DGKB: variants seen among roughly 807,000 people sequenced by gnomAD.
DGKB encodes 90 kDa diacylglycerol kinase.
A neutral mutation model predicts 114.3 loss-of-function variants in DGKB; 67 were observed. The observed-to-expected ratio is 0.59, with a 90% CI of 0.48 to 0.72. DGKB has a LOEUF of 0.72. Among genes scored for constraint, DGKB ranks in the 30% least tolerant of loss-of-function variants. The probability of loss-of-function intolerance (pLI) is 0.00; values close to 1 mark genes in which losing one functional copy is unlikely to be tolerated. For synonymous variants in DGKB, 398 were observed against 323.1 expected (o/e 1.23, Z -2.49); for missense variants, 907 against 975.2 (o/e 0.93, Z 0.93).
At chr7:14,153,639 T>C (rs935289713) in intron 25 of DGKB, among the ~76,000 whole-genome samples, 12 of 152,070 alleles carry the variant, frequency 7.9e-5, no homozygotes, top group Non-Finnish European at 1.6e-4. Context: ...TAGAGAGCAT[T>C]CCCTCTCTTT....
At chr7:14,831,127 G>A (rs538914739) in intron 2 of DGKB, among the ~76,000 whole-genome samples, 2 of 151,882 alleles carry the variant, frequency 1.3e-5, no homozygotes, top group East Asian at 1.9e-4. Flanking sequence ...CAAATAAGAT[G>A]TATCTGAGAA....
intron 23 of DGKB, among the ~76,000 whole-genome samples, chr7:14,295,577 A>AATAG (rs1171009009): frequency 6.6e-6 from 1 of 151,588 alleles, no homozygotes; most frequent in African/African-American, 2.4e-5. Context: ...TTTTTTTTTT[A>AATAG]ATAGATAGGT....
At chr7:14,562,000 T>C (rs1796726742) in intron 20 of DGKB, among the ~76,000 whole-genome samples, 1 of 152,194 alleles carries the variant, frequency 6.6e-6, no homozygotes, top group Non-Finnish European at 1.5e-5. Context: ...AATGGTTTTA[T>C]GGGCTGGGCC....
At chr7:14,896,718 T>C (rs1432600812) in intron 1 of DGKB, among the ~76,000 whole-genome samples, 1 of 151,820 alleles carries the variant, frequency 6.6e-6, no homozygotes. Flanking sequence ...GTCTAAAGCA[T>C]AGAATTTAAG....
chr7:14,568,092 T>C (rs1797866377), intron 20 of DGKB, among the ~76,000 whole-genome samples: 1 of 152,186 alleles, frequency 6.6e-6, no homozygotes, highest in Non-Finnish European at 1.5e-5. Flanking sequence ...CTAATGTCCA[T>C]CTGTCTAGCA....
chr7:14,774,306 T>C (rs933792570), intron 2 of DGKB, among the ~76,000 whole-genome samples: 12 of 152,228 alleles, frequency 7.9e-5, no homozygotes, highest in Non-Finnish European at 1.8e-4. Flanking sequence ...GATTGTTACC[T>C]TGCAAGAACT....
chr7:14,262,513 C>G (rs1584797587), intron 23 of DGKB, among the ~76,000 whole-genome samples: 1 of 152,102 alleles, frequency 6.6e-6, no homozygotes, highest in African/African-American at 2.4e-5. Flanking sequence ...CTCAGACTTT[C>G]CAGCCTCCAG....
intron 20 of DGKB, among the ~76,000 whole-genome samples, chr7:14,538,837 G>C (rs181441932): frequency 6.6e-6 from 1 of 152,220 alleles, no homozygotes; most frequent in East Asian, 1.9e-4. Context: ...TGACAACACG[G>C]ATGGACCTGG....
intron 1 of DGKB, among the ~76,000 whole-genome samples, chr7:14,943,120 A>G (rs1347318000): frequency 6.6e-6 from 1 of 151,942 alleles, no homozygotes; most frequent in Admixed American, 6.6e-5. Context: ...TATATTCTAT[A>G]TGGAAAAATG....
intron 21 of DGKB, among the ~76,000 whole-genome samples, chr7:14,471,912 T>C (rs1384765857): frequency 1.3e-5 from 2 of 152,126 alleles, no homozygotes; most frequent in South Asian, 2.1e-4. Context: ...CAGAAAGTAG[T>C]ACAGAAATAA....
intron 23 of DGKB, among the ~76,000 whole-genome samples, chr7:14,242,825 G>A (rs535448997): frequency 3.3e-5 from 5 of 150,342 alleles, no homozygotes; most frequent in Admixed American, 6.6e-5. Flanking sequence ...AGTGTCGGCA[G>A]CAGTTAATGT....
intron 6 of DGKB, among the ~76,000 whole-genome samples, chr7:14,716,712 T>C (rs1354393552): frequency 6.6e-6 from 1 of 152,054 alleles, no homozygotes; most frequent in African/African-American, 2.4e-5. Context: ...AGATTGATTG[T>C]TATTTAATTG....
At chr7:14,493,925 T>TACAC (rs372780599) in intron 20 of DGKB, among the ~76,000 whole-genome samples, 3,013 of 137,686 alleles carry the variant, frequency 0.022, 68 homozygotes, top group African/African-American at 0.064. Context: ...CATGGTATCA[T>TACAC]ACACACACAC....
chr7:14,722,521 T>C (rs986792715), intron 5 of DGKB, among the ~76,000 whole-genome samples: 15 of 152,060 alleles, frequency 9.9e-5, no homozygotes, highest in Admixed American at 2.6e-4. Context: ...GTTTAATTAA[T>C]AAAAAAGCTT....
chr7:14,315,701 A>G (rs1806343634), intron 23 of DGKB, among the ~76,000 whole-genome samples: 1 of 150,044 alleles, frequency 6.7e-6, no homozygotes, highest in Non-Finnish European at 1.5e-5. Context: ...TTAACACCCC[A>G]CTGTCAACAT....
intron 15 of DGKB, among the ~76,000 whole-genome samples, chr7:14,620,386 A>C (rs1324998279): frequency 1.3e-5 from 2 of 151,498 alleles, no homozygotes; most frequent in African/African-American, 4.8e-5. Context: ...ATGATAAAGA[A>C]GCAAGCATTT....
intron 15 of DGKB, among the ~76,000 whole-genome samples, chr7:14,615,250 A>T (rs1449433732): frequency 2.0e-5 from 3 of 151,974 alleles, no homozygotes; most frequent in African/African-American, 7.2e-5. Flanking sequence ...CCAAATACTC[A>T]TTAGGATGAG....
At chr7:14,567,391 T>A (rs1797674916) in intron 20 of DGKB, among the ~76,000 whole-genome samples, 1 of 40,696 alleles carries the variant, frequency 2.5e-5, no homozygotes, top group Non-Finnish European at 4.0e-5. Context: ...ATATTATATA[T>A]ATAATTATAT....
Position 14,934,166 on chromosome 7 carries a change from G to A in DGKB, c.-188+40530C>T, listed in dbSNP as rs570294469. ...AACAAGATTTCAGTGCTTAAACCTC[G>A]TGAATAATTTCACCTTCCATTTATT... is the stretch of plus-strand genomic sequence containing the variant. On this transcript the variant is annotated intron_variant, in intron 1 of 4. Coordinates refer to the DGKB transcript ENST00000437998. 5.3e-5 allele frequency among the ~76,000 whole-genome samples: 8 copies of A among 152,228 alleles called. No homozygotes were observed. The East Asian group carries it at 9.7e-4, about 18-fold the overall frequency.
Sources: gnomAD v4.1 joint callset for allele counts (sites outside exome capture counted in the v4.1 genomes callset) on GRCh38, gnomAD v4.1.1 for gene constraint, MANE v1.5 for transcripts, NCBI Gene and HGNC (gene_info 2026-07-23, HGNC 2026-07-21) for gene names.